The following PLXDC2 variants were observed in gnomAD, a reference collection of about 807,000 sequenced individuals.
PLXDC2 encodes plexin domain-containing protein 2.
A neutral mutation model predicts 68.9 loss-of-function variants in PLXDC2; 40 were observed. The ratio of observed to expected loss-of-function variants is 0.58; its 90% confidence interval spans 0.45 to 0.76. The LOEUF (loss-of-function observed/expected upper bound fraction) is 0.76. Ranked by LOEUF, PLXDC2 falls within the 30% of genes least tolerant of loss-of-function variation. The pLI is 0.00. For missense variants in PLXDC2, 644 were observed against 661.9 expected, an observed-to-expected ratio of 0.97 and a Z score of 0.30; for synonymous variants, 243 against 234.2, an observed-to-expected ratio of 1.04 and a Z score of -0.34.
At chr10:20,065,467 T>A (rs1011550055) in intron 3 of PLXDC2, among the ~76,000 whole-genome samples, 3 of 152,224 alleles carry the variant, frequency 2.0e-5, no homozygotes, top group Admixed American at 6.5e-5. Context: ...CAGGAACCAG[T>A]TTCATGAAAG....
intron 1 of PLXDC2, among the ~76,000 whole-genome samples, chr10:19,834,560 T>C (rs1392185429): frequency 1.3e-5 from 2 of 152,238 alleles, no homozygotes; most frequent in East Asian, 3.8e-4. Context: ...TGTTTGTTAA[T>C]ATTATCAGAC....
chr10:20,102,787 T>C (rs1306881387), intron 4 of PLXDC2, among the ~76,000 whole-genome samples: 1 of 152,148 alleles, frequency 6.6e-6, no homozygotes, highest in Non-Finnish European at 1.5e-5. Flanking sequence ...TTGAGTATAA[T>C]GTCTAGAGGA....
intron 13 of PLXDC2, among the ~76,000 whole-genome samples, chr10:20,264,415 A>C (rs12359906): frequency 3.0e-4 from 45 of 152,168 alleles, no homozygotes; most frequent in Non-Finnish European, 2.6e-4. Context: ...TCCTTATTAC[A>C]TGTGTTTATC....
Position 20,149,346 on chromosome 10 carries a change from C to T in PLXDC2, c.783+1444C>T, listed in dbSNP as rs994067490. 2.2e-5 allele frequency among the ~76,000 whole-genome samples: 3 copies of T among 138,306 alleles called. No homozygotes were observed. In the Admixed American group the frequency reaches 2.4e-4, roughly 11 times the overall value. The allele number at this position is 138,306 out of a possible 152,430, so 90.7% of individuals were successfully genotyped here. ...CTCTGCCTTCTGGGTACAAGCGATT[C>T]TCCTGCCTCAGCCTCCCAAGTAACT... is the stretch of plus-strand genomic sequence containing the variant. On this transcript the variant is annotated intron_variant, in intron 6 of 13. Coordinates refer to ENST00000377252, the MANE Select transcript of PLXDC2 (RefSeq NM_032812.9).
Position 20,217,552 on chromosome 10 carries a change from T to C in PLXDC2, c.1249T>C (p.Phe417Leu). ...CACCAGAAGAGCAGTGACTTCTCAG[T>C]TTCCCACCAGCCTCCCTACAGAAGG... ...TTTRRAVTSQFPTSLPTEDDT... is the reference protein window; with the variant it reads ...TTTRRAVTSQLPTSLPTEDDT... The change falls in exon 11 of 14, where the codon TTT (phenylalanine) becomes CTT (leucine). Residue 417 changes from phenylalanine to leucine, a missense_variant. Coordinates refer to ENST00000377252, the MANE Select transcript of PLXDC2 (RefSeq NM_032812.9). The C allele has an allele frequency of 6.2e-7, 1 of 1,604,144 alleles. No homozygotes were observed. The highest frequency in any genetic ancestry group is 8.5e-7 in the Non-Finnish European group (1 of 1,175,092).
intron 12 of PLXDC2, among the ~76,000 whole-genome samples, chr10:20,225,631 G>T (rs1835276294): frequency 6.6e-6 from 1 of 152,050 alleles, no homozygotes; most frequent in African/African-American, 2.4e-5. Flanking sequence ...TGGAATTTAG[G>T]ATTTCTCTCC....
intron 1 of PLXDC2, among the ~76,000 whole-genome samples, chr10:19,840,841 A>G (rs1371000137): frequency 6.6e-6 from 1 of 152,158 alleles, no homozygotes; most frequent in South Asian, 2.1e-4. Context: ...ATTTTGGTGA[A>G]GCATTGAATA....
intron 1 of PLXDC2, among the ~76,000 whole-genome samples, chr10:19,939,687 C>T (rs1833784919): frequency 6.6e-6 from 1 of 151,996 alleles, no homozygotes; most frequent in South Asian, 2.1e-4. Context: ...TGTATTTGTA[C>T]CTATCCAAAG....
chr10:20,067,203 C>G (rs566266269), intron 3 of PLXDC2, among the ~76,000 whole-genome samples: 1 of 152,032 alleles, frequency 6.6e-6, no homozygotes, highest in Non-Finnish European at 1.5e-5. Flanking sequence ...AGCTAAAGTT[C>G]GTGGCCCCAT....
At chr10:20,064,630 G>A (rs1156902883) in intron 3 of PLXDC2, among the ~76,000 whole-genome samples, 1 of 152,110 alleles carries the variant, frequency 6.6e-6, no homozygotes, top group African/African-American at 2.4e-5. Context: ...TAGTGACACA[G>A]CAAAGTTTCT....
intron 12 of PLXDC2, among the ~76,000 whole-genome samples, chr10:20,244,895 C>T (rs1329310364): frequency 6.6e-6 from 1 of 152,148 alleles, no homozygotes; most frequent in Non-Finnish European, 1.5e-5. Flanking sequence ...GCAGGCGGAT[C>T]ACCTGAATCA....
chr10:20,133,470 T>C (rs1420042609), intron 4 of PLXDC2, among the ~76,000 whole-genome samples: 1 of 152,178 alleles, frequency 6.6e-6, no homozygotes, highest in Non-Finnish European at 1.5e-5. Flanking sequence ...ACTTGGCTAG[T>C]TATAGTATTC....
At chr10:20,114,505 A>T (rs571035512) in intron 4 of PLXDC2, among the ~76,000 whole-genome samples, 181 of 152,304 alleles carry the variant, frequency 1.2e-3, no homozygotes, top group Non-Finnish European at 2.2e-3. Context: ...AGGGGAATAG[A>T]CCTAGGAATG....
Position 19,896,020 on chromosome 10 carries a change from G to A in PLXDC2, c.112+78829G>A, listed in dbSNP as rs184349003. ...TCCTGGAGCAGGTCAAGGTCGGGGGGCCCTAGCTGACCCTGCAGTCTTTCA... is the reference window on the plus strand; with the variant it reads ...TCCTGGAGCAGGTCAAGGTCGGGGGACCCTAGCTGACCCTGCAGTCTTTCA... On this transcript the variant is annotated intron_variant, in intron 1 of 13. Coordinates refer to ENST00000377252, the MANE Select transcript of PLXDC2 (RefSeq NM_032812.9). 3.6e-4 allele frequency among the ~76,000 whole-genome samples: 55 copies of A among 152,272 alleles called. No individual in the cohort carries two copies. The East Asian group carries it at 8.1e-3, about 22-fold the overall frequency.
At chr10:20,156,742 C>T (rs920258472) in intron 6 of PLXDC2, among the ~76,000 whole-genome samples, 16 of 152,050 alleles carry the variant, frequency 1.1e-4, no homozygotes, top group Non-Finnish European at 2.4e-4. Context: ...ATGCATTGCT[C>T]AATACCTGGC....
chr10:20,211,664 T>A lies in PLXDC2; in HGVS notation c.1062-5T>A. 1 of 1,613,038 alleles carries A rather than the reference T, an allele frequency of 6.2e-7. No homozygotes were observed. Among genetic ancestry groups the A allele is most frequent in the Non-Finnish European group, 8.5e-7 (1 of 1,179,314 alleles). On this transcript the variant is annotated splice_polypyrimidine_tract_variant and splice_region_variant and intron_variant, in intron 9 of 13. Coordinates refer to ENST00000377252, the MANE Select transcript of PLXDC2 (RefSeq NM_032812.9). ...TTCTGAACTGCATTGTGGTCTTCTTTGAAGATGTTCCAGTGGATTTGATCG... is the reference window on the plus strand; with the variant it reads ...TTCTGAACTGCATTGTGGTCTTCTTAGAAGATGTTCCAGTGGATTTGATCG...
In PLXDC2 at chr10:19,832,880, G is replaced by A. The variant is rs552859434; in HGVS notation, c.112+15689G>A. 3.3e-5 allele frequency among the ~76,000 whole-genome samples: 5 copies of A among 152,258 alleles called. No individual in the cohort carries two copies. The South Asian group carries it at 1.0e-3, about 32-fold the overall frequency. ...AAAAGGACGCTTTTGACGCCAGATG[G>A]GCTTGAGTCCAAATCTTGGCTCTGA... On this transcript the variant is annotated intron_variant, in intron 1 of 13. Coordinates refer to ENST00000377252, the MANE Select transcript of PLXDC2 (RefSeq NM_032812.9).
chr10:20,017,124 G>A (rs1030384880), intron 2 of PLXDC2, among the ~76,000 whole-genome samples: 14 of 152,202 alleles, frequency 9.2e-5, no homozygotes, highest in African/African-American at 3.1e-4. Flanking sequence ...GAAACGAGAA[G>A]CACCTTACTG....
chr10:19,894,237 A>G (rs940611123), intron 1 of PLXDC2, among the ~76,000 whole-genome samples: 1 of 152,102 alleles, frequency 6.6e-6, no homozygotes. Flanking sequence ...GTAAAACAAA[A>G]CAAAACAAAC....
Sources: allele counts gnomAD v4.1 joint callset (sites outside exome capture counted in the v4.1 genomes callset), GRCh38; gene constraint gnomAD v4.1.1; transcripts MANE v1.5; gene names NCBI Gene and HGNC (gene_info 2026-07-23, HGNC 2026-07-21).